The following NUDT6 variants were observed in gnomAD, a reference collection of about 807,000 sequenced individuals.
NUDT6 encodes FAD diphosphatase NUDT6.
Under a neutral mutation model 36.8 loss-of-function variants are expected in NUDT6, and 24 were observed. That is an observed-to-expected ratio of 0.65 (90% CI 0.47 to 0.92). NUDT6 has a LOEUF of 0.92. Ranked by LOEUF, NUDT6 falls within the 40% of genes least tolerant of loss-of-function variation. The pLI is 0.00. For missense variants in NUDT6, 388 were observed against 392.8 expected (o/e 0.99, Z 0.10); for synonymous variants, 163 against 157.0 (o/e 1.04, Z -0.29).
chr4:122,897,610 T>C lies in NUDT6; in HGVS notation c.553+14A>G, dbSNP rs1029092528. ...AACATTTTTAAGCCAATTAAAAATA[T>C]AAAAGATACACACCAATATCTTCTT... On this transcript the variant is annotated intron_variant, in intron 4 of 4. Transcript: ENST00000304430. 6.3e-6 allele frequency: 10 copies of C among 1,575,084 alleles called. No homozygotes were observed. The Admixed American group carries it at 8.4e-5, about 13-fold the overall frequency.
At chr4:122,905,232 C>G (rs1377065112) in intron 3 of NUDT6, among the ~76,000 whole-genome samples, 3 of 152,140 alleles carry the variant, frequency 2.0e-5, no homozygotes, top group African/African-American at 7.2e-5. Flanking sequence ...TCTGGGAAGT[C>G]CAGCTGGCTT....
rs1728070256 is a variant in NUDT6 at position 122,922,391 on chromosome 4, G to T, written c.182C>A (p.Ala61Glu). Residue 61 changes from alanine to glutamate, a missense_variant, in exon 1 of 5, where the codon GCG (alanine) becomes GAG (glutamate). Coordinates refer to ENST00000304430, the MANE Select transcript of NUDT6 (RefSeq NM_007083.5). ...CAGGCGGTCCAGCGCATCGAGCCGCGCCAGGCGCACCGAGATGCCCCCGAA... is the reference window on the plus strand; with the variant it reads ...CAGGCGGTCCAGCGCATCGAGCCGCTCCAGGCGCACCGAGATGCCCCCGAA... ...DRFGGISVRLARLDALDRLDA... is the reference protein window; with the variant it reads ...DRFGGISVRLERLDALDRLDA... The T allele has an allele frequency of 1.2e-6, 2 of 1,608,834 alleles. No individual in the cohort carries two copies. The highest frequency in any genetic ancestry group is 1.7e-6 in the Non-Finnish European group (2 of 1,179,710).
At chr4:122,915,543 A>G (rs1167644803) in intron 2 of NUDT6, among the ~76,000 whole-genome samples, 3 of 151,046 alleles carry the variant, frequency 2.0e-5, no homozygotes, top group African/African-American at 7.3e-5. Flanking sequence ...TACCTCGTCC[A>G]CACCCCCAAC....
In NUDT6 at chr4:122,904,734, G is replaced by A. The variant is rs146824589; in HGVS notation, c.499-7056C>T. On this transcript the variant is annotated intron_variant, in intron 3 of 4. Coordinates refer to ENST00000304430, the MANE Select transcript of NUDT6 (RefSeq NM_007083.5). ...CTCCCAAAGTGCTGGGATTACAGGC[G>A]TGAGCCACCGTGCCTCGCCTCTTCC... is the stretch of plus-strand genomic sequence containing the variant. Among the ~76,000 whole-genome samples, 160 of 152,260 alleles carry A rather than the reference G, an allele frequency of 1.1e-3. No individual in the cohort carries two copies. In the East Asian group the frequency reaches 0.011, roughly 10 times the overall value.
At chr4:122,907,447 T>C (rs115576613) in intron 3 of NUDT6, among the ~76,000 whole-genome samples, 6,903 of 86,300 alleles carry the variant, frequency 0.08, 318 homozygotes, top group South Asian at 0.25. Context: ...TTTCTTTACT[T>C]TCTTTTTTTT....
chr4:122,905,551 T>C (rs556970703), intron 3 of NUDT6, among the ~76,000 whole-genome samples: 1 of 152,328 alleles, frequency 6.6e-6, no homozygotes, highest in African/African-American at 2.4e-5. Flanking sequence ...CTATGTGCTG[T>C]TATACTTTAC....
At chr4:122,899,367 G>C (rs975962946) in intron 3 of NUDT6, among the ~76,000 whole-genome samples, 3 of 151,940 alleles carry the variant, frequency 2.0e-5, no homozygotes, top group African/African-American at 7.3e-5. Flanking sequence ...ACACAAATTT[G>C]ATTTTGACTA....
intron 3 of NUDT6, among the ~76,000 whole-genome samples, chr4:122,911,014 C>A (rs537138771): frequency 1.3e-5 from 2 of 152,028 alleles, no homozygotes; most frequent in African/African-American, 4.8e-5. Flanking sequence ...TGCTACATAC[C>A]AAAGTATAGT....
chr4:122,893,531 T>C (rs1727254258), intron 4 of NUDT6: 1 of 237,388 alleles, frequency 4.2e-6, no homozygotes, highest in Admixed American at 5.3e-5. Context: ...TCCCAAAAGG[T>C]AAAAATATAG....
Position 122,892,858 on chromosome 4 carries a change from C to T in NUDT6, c.921G>A (p.Glu307=). The change falls in exon 5 of 5, where the codon GAG becomes GAA. Residue 307 remains glutamate, a synonymous_variant. Transcript: ENST00000304430. ...CAATTCCTTTCATAGTTTTATAATT[C>T]TCTGGCAGTTCCTTATGATAGAGTT... ...FYKLYHKELP[E]NYKTMKGID 6.2e-7 allele frequency: 1 copy of T among 1,607,450 alleles called. No individual in the cohort carries two copies. Among genetic ancestry groups the T allele is most frequent in the East Asian group, 2.2e-5 (1 of 44,868 alleles).
intron 2 of NUDT6, among the ~76,000 whole-genome samples, chr4:122,914,190 A>G (rs1295800553): frequency 6.6e-6 from 1 of 152,238 alleles, no homozygotes; most frequent in Non-Finnish European, 1.5e-5. Flanking sequence ...GAAGGAATAA[A>G]TATGTGTAAC....
chr4:122,899,531 A>G (rs1305241843), intron 3 of NUDT6, among the ~76,000 whole-genome samples: 1 of 152,156 alleles, frequency 6.6e-6, no homozygotes, highest in Non-Finnish European at 1.5e-5. Flanking sequence ...GACAGTCCTA[A>G]GCTATGTGGT....
chr4:122,900,563 C>A (rs1299276949), intron 3 of NUDT6, among the ~76,000 whole-genome samples: 1 of 118,388 alleles, frequency 8.4e-6, no homozygotes, highest in Non-Finnish European at 2.0e-5. Context: ...TGACTGGGGT[C>A]ACACATCTAG....
rs576070300 is a variant in NUDT6 at position 122,922,339 on chromosome 4, C to A, written c.234G>T (p.Leu78Phe). ...CTTCGTCCCAGGCGCACTTGCCCTGCAAGCCCTTCTGGAAGGCGGCAGCGT... is the reference window on the plus strand; with the variant it reads ...CTTCGTCCCAGGCGCACTTGCCCTGAAAGCCCTTCTGGAAGGCGGCAGCGT... ...RLDAAAFQKG[L>F]QAAVQQWRSE... Residue 78 changes from leucine to phenylalanine, a missense_variant, in exon 1 of 5, where the codon TTG (leucine) becomes TTT (phenylalanine). Leu to Phe is a conservative substitution (Grantham distance 22). Transcript: ENST00000304430. 1.9e-6 allele frequency: 3 copies of A among 1,599,396 alleles called. No homozygotes were observed. Among genetic ancestry groups the A allele is most frequent in the East Asian group, 2.2e-5 (1 of 44,770 alleles).
intron 2 of NUDT6, 23 bp from the exon 3 acceptor site, chr4:122,912,646 T>C: frequency 7.1e-7 from 1 of 1,415,982 alleles, no homozygotes; most frequent in Non-Finnish European, 1.0e-6. Context: ...AAAGAAAAGA[T>C]AATTGAGAAA....
At chr4:122,914,753 C>T (rs2150808534) in intron 2 of NUDT6, among the ~76,000 whole-genome samples, 1 of 152,210 alleles carries the variant, frequency 6.6e-6, no homozygotes, top group African/African-American at 2.4e-5. Flanking sequence ...ATTTCCATCC[C>T]ATTCATTAAA....
At chr4:122,894,954 A>G (rs760065305) in intron 4 of NUDT6, 2 of 152,184 alleles carry the variant, frequency 1.3e-5, no homozygotes, top group African/African-American at 2.4e-5. Context: ...TGCTGTTTCT[A>G]TGTCGTGGAA....
intron 4 of NUDT6, 33 bp from the exon 5 acceptor site, chr4:122,893,258 T>C: frequency 6.5e-7 from 1 of 1,540,010 alleles, no homozygotes; most frequent in South Asian, 1.3e-5. Flanking sequence ...AAATCAATAA[T>C]AATTACACTT....
intron 3 of NUDT6, among the ~76,000 whole-genome samples, chr4:122,902,883 A>G (rs1038203115): frequency 2.2e-4 from 34 of 152,160 alleles, no homozygotes; most frequent in Non-Finnish European, 4.4e-5. Context: ...TTTCCTCTGC[A>G]AAAAACACTT....
Sources: allele counts gnomAD v4.1 joint callset (sites outside exome capture counted in the v4.1 genomes callset), GRCh38; gene constraint gnomAD v4.1.1; transcripts MANE v1.5; gene names NCBI Gene and HGNC (gene_info 2026-07-23, HGNC 2026-07-21).